RAE1: variants seen among roughly 807,000 people sequenced by gnomAD.
The protein encoded by RAE1 is ribonucleic acid export 1.
A neutral mutation model predicts 52.7 loss-of-function variants in RAE1; 13 were observed. That is an observed-to-expected ratio of 0.25 (90% CI 0.16 to 0.39). The LOEUF (loss-of-function observed/expected upper bound fraction) is 0.39, where lower values mean the gene tolerates loss of function less well. Ranked by LOEUF, RAE1 falls within the 10% of genes least tolerant of loss-of-function variation. The pLI is 1.00. For synonymous variants in RAE1, 164 were observed against 153.1 expected (o/e 1.07, Z -0.52); for missense variants, 262 against 459.8 (o/e 0.57, Z 3.93).
rs2066704252 is a variant in RAE1 at position 57,351,270 on chromosome 20, A to G, written c.-160A>G. On this transcript the variant is annotated 5_prime_UTR_variant, in exon 1 of 12. Coordinates refer to ENST00000395841, the MANE Select transcript of RAE1 (RefSeq NM_003610.4). ...CACGCGCGTTGTTTCCGCGGTAGTCAGGGCAGTTTCTACCGCAGGCTTAAG... is the reference window on the plus strand; with the variant it reads ...CACGCGCGTTGTTTCCGCGGTAGTCGGGGCAGTTTCTACCGCAGGCTTAAG... 2.0e-6 allele frequency: 2 copies of G among 985,318 alleles called. No individual in the cohort carries two copies. Among genetic ancestry groups the G allele is most frequent in the South Asian group, 4.7e-5 (1 of 21,292 alleles). The allele number at this position is 985,318 out of a possible 1,614,324, so 61.0% of individuals were successfully genotyped here.
intron 4 of RAE1, among the ~76,000 whole-genome samples, chr20:57,357,224 T>C (rs894955438): frequency 3.3e-5 from 5 of 152,218 alleles, no homozygotes; most frequent in African/African-American, 1.2e-4. Flanking sequence ...ATAGAACAGA[T>C]CCATCGGCCT....
At chr20:57,359,045 C>A (rs2066847738) in intron 4 of RAE1, 4 of 1,506,574 alleles carry the variant, frequency 2.7e-6, no homozygotes. Flanking sequence ...GCCATTCATT[C>A]AAGTCCCTAT....
At chr20:57,360,812 A>G (rs1428823458) in intron 4 of RAE1, among the ~76,000 whole-genome samples, 1 of 152,194 alleles carries the variant, frequency 6.6e-6, no homozygotes, top group East Asian at 1.9e-4. Context: ...ACTAGATTTA[A>G]CACTGCTGTT....
intron 11 of RAE1, 140 bp from the exon 12 acceptor site, chr20:57,377,873 A>G: frequency 4.7e-6 from 3 of 632,946 alleles, no homozygotes; most frequent in Non-Finnish European, 7.9e-6. Flanking sequence ...TTCGCATTTG[A>G]CTTTATCTTT....
chr20:57,370,493 C>T (rs1473627541), intron 8 of RAE1, among the ~76,000 whole-genome samples: 5 of 152,222 alleles, frequency 3.3e-5, no homozygotes, highest in South Asian at 2.1e-4. Flanking sequence ...CATCCACTGT[C>T]GCTCAGCCAC....
rs959297605 is a variant in RAE1, at chr20:57,351,628, T to TG, written c.-8+211dup. On this transcript the variant is annotated intron_variant, in intron 1 of 11. Coordinates refer to ENST00000395841, the MANE Select transcript of RAE1 (RefSeq NM_003610.4). The stretch of plus-strand genomic sequence containing the variant: ...AGGGCCTAATCCATCGTTTCTCTTG[T>TG]GGGGGAACTGAGCCTCTGGGAAGGG... 5.1e-6 allele frequency: 5 copies of TG among 985,394 alleles called. No homozygotes were observed. In the African/African-American group the frequency reaches 8.7e-5, roughly 17 times the overall value. The allele number at this position is 985,394 out of a possible 1,614,324, so 61.0% of individuals were successfully genotyped here.
At chr20:57,367,739 C>CAAAAAAAAAAA in intron 7 of RAE1, among the ~76,000 whole-genome samples, 1 of 68,118 alleles carries the variant, frequency 1.5e-5, no homozygotes, top group Non-Finnish European at 3.2e-5. Flanking sequence ...GATACTATCT[C>CAAAAAAAAAAA]AAAAAAAAAA....
At chr20:57,368,641 C>A in intron 7 of RAE1, 64 bp from the exon 8 acceptor site, 1 of 1,129,784 alleles carries the variant, frequency 8.9e-7, no homozygotes, top group Non-Finnish European at 1.3e-6. Flanking sequence ...TGATCAAATA[C>A]ATTAGTATAA....
At chr20:57,359,298 T>A in intron 4 of RAE1, 6 of 278,420 alleles carry the variant, frequency 2.2e-5, no homozygotes, top group Non-Finnish European at 4.0e-5. Context: ...AATATTGGGA[T>A]GTTAACTGTC....
At chr20:57,370,000 C>T (rs1002419226) in intron 8 of RAE1, among the ~76,000 whole-genome samples, 2 of 152,178 alleles carry the variant, frequency 1.3e-5, no homozygotes, top group Admixed American at 1.3e-4. Flanking sequence ...CACCTCTTTC[C>T]CATACACCCG....
intron 8 of RAE1, among the ~76,000 whole-genome samples, chr20:57,369,284 C>T (rs1475601865): frequency 6.6e-6 from 1 of 152,172 alleles, no homozygotes; most frequent in Non-Finnish European, 1.5e-5. Flanking sequence ...ATTGGGTTCT[C>T]GTGGCAAGAC....
At chr20:57,373,957 G>A (rs2067074007) in intron 10 of RAE1, among the ~76,000 whole-genome samples, 1 of 152,170 alleles carries the variant, frequency 6.6e-6, no homozygotes, top group South Asian at 2.1e-4. Context: ...GCAGTGGCGT[G>A]ATATCACCTC....
rs956789990 is a variant in RAE1 at position 57,378,259 on chromosome 20, C to T, written c.*160C>T. On this transcript the variant is annotated 3_prime_UTR_variant, in exon 12 of 12. Coordinates refer to ENST00000395841, the MANE Select transcript of RAE1 (RefSeq NM_003610.4). ...TTCAGCAGCTGAGAGCCCAGGCGTC[C>T]GCGGCGACTTGCCGTCTCTCCATTC... The T allele has an allele frequency of 3.4e-5, 20 of 593,506 alleles. 1 individual carries two copies. Among genetic ancestry groups the T allele is most frequent in the East Asian group, 1.7e-4 (6 of 35,502 alleles). 36.8% of individuals were successfully genotyped at this position (593,506 alleles called of 1,614,324 possible).
intron 8 of RAE1, chr20:57,371,937 C>T (rs1224001940): frequency 6.6e-6 from 1 of 152,148 alleles, no homozygotes; most frequent in Non-Finnish European, 1.5e-5. Context: ...AAAGAAACTG[C>T]ATGGTTCCAC....
intron 8 of RAE1, chr20:57,371,312 A>C (rs1480070424): frequency 6.6e-6 from 1 of 152,250 alleles, no homozygotes; most frequent in Non-Finnish European, 1.5e-5. Context: ...TCTGGAGGCT[A>C]TTTCTGACAA....
intron 11 of RAE1, among the ~76,000 whole-genome samples, chr20:57,376,466 A>G (rs2067116917): frequency 6.6e-6 from 1 of 152,188 alleles, no homozygotes; most frequent in Admixed American, 6.5e-5. Context: ...AGAATTTTAT[A>G]TAAGTGGAGC....
rs141440014 is a variant in RAE1 at position 57,367,226 on chromosome 20, C to T, written c.534+147C>T. On this transcript the variant is annotated intron_variant, in intron 7 of 11. Transcript: ENST00000395841. ...GATATAAAGGATCGAGTTGAGATTGCCTCAGTCGTCTCCAATTGGGAGATT... is the reference window on the plus strand; with the variant it reads ...GATATAAAGGATCGAGTTGAGATTGTCTCAGTCGTCTCCAATTGGGAGATT... 5 of 715,348 alleles carry T rather than the reference C, an allele frequency of 7.0e-6. No homozygotes were observed. In the African/African-American group the frequency reaches 7.2e-5, roughly 10 times the overall value. 44.3% of individuals were successfully genotyped at this position (715,348 alleles called of 1,614,324 possible).
chr20:57,358,924 T>A lies in RAE1; in HGVS notation c.288+2386T>A, dbSNP rs1326381479. 11 of 1,373,792 alleles carry A rather than the reference T, an allele frequency of 8.0e-6. No homozygotes were observed. In the South Asian group the frequency reaches 1.5e-4, roughly 19 times the overall value. The allele number at this position is 1,373,792 out of a possible 1,614,324, so 85.1% of individuals were successfully genotyped here. On this transcript the variant is annotated intron_variant, in intron 4 of 11. Transcript: ENST00000395841. ...GGCTTGTTGGAGTTTTTATTTGCAT[T>A]GATGAATTAAAGCTCCATAAGGTTT...
chr20:57,368,304 A>G (rs2066986893), intron 7 of RAE1, among the ~76,000 whole-genome samples: 1 of 152,220 alleles, frequency 6.6e-6, no homozygotes, highest in African/African-American at 2.4e-5. Context: ...CACTGCTAGT[A>G]CTTGAAAAAG....
Sources: allele counts gnomAD v4.1 joint callset (sites outside exome capture counted in the v4.1 genomes callset), GRCh38; gene constraint gnomAD v4.1.1; transcripts MANE v1.5; gene names NCBI Gene and HGNC (gene_info 2026-07-23, HGNC 2026-07-21).